Variants in STK32C observed in about 807,000 individuals in gnomAD.
The protein encoded by STK32C is serine/threonine kinase 32C, also known as serine/threonine-protein kinase 32C.
A neutral mutation model predicts 56.5 loss-of-function variants in STK32C; 31 were observed. That is an observed-to-expected ratio of 0.55 (90% CI 0.41 to 0.74). STK32C has a LOEUF of 0.74. STK32C is among the 30% of genes least tolerant of loss of function. The pLI is 0.00. For missense variants in STK32C, 544 were observed against 676.9 expected (o/e 0.80, Z 2.18); for synonymous variants, 309 against 289.4 (o/e 1.07, Z -0.69).
chr10:132,292,654 C>G (rs1461095559), intron 1 of STK32C, among the ~76,000 whole-genome samples: 1 of 152,210 alleles, frequency 6.6e-6, no homozygotes, highest in Admixed American at 6.5e-5. Context: ...TCCACAGATT[C>G]CCGGTGCCAG....
At chr10:132,229,214 C>T in intron 2 of STK32C, among the ~76,000 whole-genome samples, 1 of 152,226 alleles carries the variant, frequency 6.6e-6, no homozygotes, top group East Asian at 1.9e-4. Context: ...GTAATCCAGA[C>T]CCGTTTCCAA....
At chr10:132,326,283 C>A (rs1246896994) in intron 1 of STK32C, among the ~76,000 whole-genome samples, 1 of 152,194 alleles carries the variant, frequency 6.6e-6, no homozygotes, top group Non-Finnish European at 1.5e-5. Context: ...ACGCCAGAGT[C>A]AGTTGGAGTT....
At chr10:132,245,754 T>C in intron 2 of STK32C, 146 bp downstream of exon 2, 1 of 768,200 alleles carries the variant, frequency 1.3e-6, no homozygotes, top group Non-Finnish European at 2.1e-6. Flanking sequence ...GCCCACGTCC[T>C]CCCTAAAAGA....
At chr10:132,263,946 C>T (rs894163254) in intron 1 of STK32C, among the ~76,000 whole-genome samples, 2 of 151,898 alleles carry the variant, frequency 1.3e-5, no homozygotes, top group Non-Finnish European at 1.5e-5. Context: ...CTGGAAGGAC[C>T]CTGACAGAAA....
At chr10:132,304,360 AC>A (rs564115869) in intron 1 of STK32C, among the ~76,000 whole-genome samples, 57 of 152,192 alleles carry the variant, frequency 3.7e-4, no homozygotes, top group Non-Finnish European at 6.9e-4. Context: ...CCCACAGTTC[AC>A]GGGTGTGGGG....
chr10:132,318,275 A>AAGAG (rs1206387801), intron 1 of STK32C, among the ~76,000 whole-genome samples: 1 of 150,374 alleles, frequency 6.7e-6, no homozygotes, highest in Non-Finnish European at 1.5e-5. Context: ...CTCAAAAAAA[A>AAGAG]AGAGAGAGAG....
chr10:132,313,724 G>A (rs1237677618), intron 1 of STK32C, among the ~76,000 whole-genome samples: 18 of 152,262 alleles, frequency 1.2e-4, no homozygotes, highest in Admixed American at 1.2e-3. Context: ...TGATGCTTTA[G>A]AAGAAAGGAA....
intron 2 of STK32C, among the ~76,000 whole-genome samples, chr10:132,231,994 G>A (rs2137777417): frequency 6.6e-6 from 1 of 152,394 alleles, no homozygotes; most frequent in East Asian, 1.9e-4. Context: ...ACGGAACTTG[G>A]TTGTGGCGGG....
intron 1 of STK32C, among the ~76,000 whole-genome samples, chr10:132,264,086 G>A (rs1364926473): frequency 6.6e-6 from 1 of 152,086 alleles, no homozygotes; most frequent in African/African-American, 2.4e-5. Flanking sequence ...GGGGCAGGCG[G>A]TGGCGACGGA....
chr10:132,249,115 C>CG, intron 1 of STK32C: 1 of 443,438 alleles, frequency 2.3e-6, no homozygotes, highest in Non-Finnish European at 4.5e-6. Flanking sequence ...GCATGCGTGC[C>CG]GGGGCGGGGC....
intron 1 of STK32C, among the ~76,000 whole-genome samples, chr10:132,279,632 CCA>C (rs2065093923): frequency 7.0e-6 from 1 of 142,020 alleles, no homozygotes; most frequent in Non-Finnish European, 1.5e-5. Context: ...TCATGCCACT[CCA>C]CTCCCTGATC....
chr10:132,301,797 G>A (rs140943839), intron 1 of STK32C, among the ~76,000 whole-genome samples: 144 of 152,330 alleles, frequency 9.5e-4, no homozygotes, highest in Middle Eastern at 6.8e-3. Context: ...AGTCCACACC[G>A]CGAGGCGCCC....
intron 1 of STK32C, among the ~76,000 whole-genome samples, chr10:132,270,385 G>C (rs767254773): frequency 6.6e-6 from 1 of 152,372 alleles, no homozygotes; most frequent in Non-Finnish European, 1.5e-5. Context: ...GGCCCACGCC[G>C]CTGGCCTTGC....
At chr10:132,279,959 CCG>C (rs2065111396) in intron 1 of STK32C, among the ~76,000 whole-genome samples, 2 of 138,426 alleles carry the variant, frequency 1.4e-5, no homozygotes, top group Non-Finnish European at 3.2e-5. Flanking sequence ...CCCCTGCACC[CCG>C]TGACCACGCC....
rs1051311812 is a variant in STK32C at position 132,288,068 on chromosome 10, C to CA, written c.262+19503dup. 1.5e-4 allele frequency among the ~76,000 whole-genome samples: 23 copies of CA among 148,690 alleles called. No homozygotes were observed. In the East Asian group the frequency reaches 2.5e-3, roughly 16 times the overall value. ...ACAATTATAAGCTCTTCCCCCAGCC[C>CA]AAAAAAAAAGGTGTCAAGGTAATAC... On this transcript the variant is annotated intron_variant, in intron 1 of 11. Transcript: ENST00000298630.
upstream of STK32C, chr10:132,331,894 A>AT: frequency 1.1e-6 from 1 of 886,746 alleles, no homozygotes; most frequent in African/African-American, 2.2e-5. Flanking sequence ...ACCCCCTGCC[A>AT]CCCCCGCGCA....
intron 10 of STK32C, among the ~76,000 whole-genome samples, chr10:132,220,584 C>T (rs2062606471): frequency 6.6e-6 from 1 of 152,242 alleles, no homozygotes; most frequent in Admixed American, 6.5e-5. Flanking sequence ...GCATTAACCC[C>T]ATCCATGCTG....
chr10:132,309,868 A>G (rs2066187370), upstream of STK32C, among the ~76,000 whole-genome samples: 4 of 152,234 alleles, frequency 2.6e-5, no homozygotes, highest in South Asian at 8.3e-4. Flanking sequence ...GGAATAAAAG[A>G]TATAACGTCC....
chr10:132,305,478 A>G (rs900504968), intron 1 of STK32C, among the ~76,000 whole-genome samples: 1 of 152,228 alleles, frequency 6.6e-6, no homozygotes, highest in African/African-American at 2.4e-5. Flanking sequence ...GCATTGCCAT[A>G]GCAACCGTGC....
Sources: allele counts gnomAD v4.1 joint callset (sites outside exome capture counted in the v4.1 genomes callset), GRCh38; gene constraint gnomAD v4.1.1; transcripts MANE v1.5; gene names NCBI Gene and HGNC (gene_info 2026-07-23, HGNC 2026-07-21).